NLGN4Y: variants seen among roughly 807,000 people sequenced by gnomAD.
NLGN4Y encodes the protein neuroligin-4, Y-linked.
In NLGN4Y, 4 loss-of-function variants were observed where a neutral mutation model predicts 8.4. The ratio of observed to expected loss-of-function variants is 0.48; its 90% CI spans 0.23 to 1.09. The LOEUF is 1.09. Among genes scored for constraint, NLGN4Y ranks in the 50% least tolerant of loss-of-function variants. The pLI is 0.19. For missense variants in NLGN4Y, 90 were observed against 192.3 expected, an observed-to-expected ratio of 0.47 and a Z score of 3.15; for synonymous variants, 35 against 75.6, an observed-to-expected ratio of 0.46 and a Z score of 2.78.
chrY:14,801,562 A>G (rs113609291), intron 4 of NLGN4Y, among the ~76,000 whole-genome samples: 19 of 29,752 alleles, frequency 6.4e-4, no homozygotes, highest in African/African-American at 2.4e-3. Context: ...AAAAAAAAAA[A>G]AGAGAGAGAG....
chrY:14,674,065 T>C (rs2080736812), intron 2 of NLGN4Y, among the ~76,000 whole-genome samples: 1 of 30,449 alleles, frequency 3.3e-5, no homozygotes, highest in Non-Finnish European at 7.8e-5. Context: ...GGGATAGCAT[T>C]GGGAGATATA....
intron 2 of NLGN4Y, among the ~76,000 whole-genome samples, chrY:14,691,026 A>G: frequency 3.0e-5 from 1 of 32,907 alleles, no homozygotes; most frequent in Non-Finnish European, 7.5e-5. Context: ...TGAGTTGGAT[A>G]GTATTCCCAG....
intron 1 of NLGN4Y, among the ~76,000 whole-genome samples, chrY:14,589,890 G>A: frequency 2.9e-5 from 1 of 34,563 alleles, no homozygotes; most frequent in African/African-American, 1.1e-4. Context: ...TGGGTGGGAG[G>A]CTCAGACATG....
chrY:14,820,252 GC>G (rs2043117731), intron 4 of NLGN4Y, among the ~76,000 whole-genome samples: 2 of 32,679 alleles, frequency 6.1e-5, no homozygotes, highest in Non-Finnish European at 1.5e-4. Context: ...AGATTTAGTG[GC>G]CCTTAGTGAT....
At chrY:14,815,492 A>G (rs2043097844) in intron 4 of NLGN4Y, among the ~76,000 whole-genome samples, 1 of 33,252 alleles carries the variant, frequency 3.0e-5, no homozygotes, top group Non-Finnish European at 7.4e-5. Flanking sequence ...ATGGAGCTGT[A>G]TGGGTGACTC....
At chrY:14,833,809 G>A (rs2043188173) in intron 6 of NLGN4Y, among the ~76,000 whole-genome samples, 1 of 33,194 alleles carries the variant, frequency 3.0e-5, no homozygotes, top group African/African-American at 1.2e-4. Flanking sequence ...GAAATCACCC[G>A]TCTTCTACAT....
At chrY:14,750,926 T>C in intron 4 of NLGN4Y, among the ~76,000 whole-genome samples, 1 of 33,590 alleles carries the variant, frequency 3.0e-5, no homozygotes, top group Non-Finnish European at 7.4e-5. Context: ...TTTTCTCTTA[T>C]GCTTTTCTTT....
At chrY:14,709,737 C>G (rs1603503054) in intron 2 of NLGN4Y, among the ~76,000 whole-genome samples, 1 of 31,055 alleles carries the variant, frequency 3.2e-5, no homozygotes, top group Non-Finnish European at 7.8e-5. Context: ...CAGAACAGAA[C>G]AGAGGAAGGT....
chrY:14,732,959 G>C (rs2080977423), intron 4 of NLGN4Y, among the ~76,000 whole-genome samples: 1 of 33,376 alleles, frequency 3.0e-5, no homozygotes, highest in East Asian at 7.9e-4. Flanking sequence ...TTGTGTAAAT[G>C]ATCTTGAAAC....
At chrY:14,838,051 G>A (rs765097874) in intron 6 of NLGN4Y, among the ~76,000 whole-genome samples, 37 of 32,771 alleles carry the variant, frequency 1.1e-3, no homozygotes, top group Admixed American at 6.8e-3. Flanking sequence ...ATATTAGTAC[G>A]AAGTTTTTCC....
rs775786246 is a variant in NLGN4Y, at chrY:14,598,270, G to A, written c.-111-23739G>A. Among the ~76,000 whole-genome samples, 9 of 34,468 alleles carry A rather than the reference G, an allele frequency of 2.6e-4. No homozygotes were observed. In the East Asian group the frequency reaches 7.1e-3, roughly 27 times the overall value. 92.5% of individuals were successfully genotyped at this position (34,468 alleles called of 37,273 possible). A position where few individuals can be genotyped will look rare whatever the true frequency, so the allele number is the denominator to read the frequency against. On this transcript the variant is annotated intron_variant, in intron 1 of 6. Transcript: ENST00000684976. ...GGGTTGGTGCTCGTCGGGGAGGCTC[G>A]GGCCACACAGGAGCCCATGGAGTGG...
intron 1 of NLGN4Y, among the ~76,000 whole-genome samples, chrY:14,621,289 A>C (rs987990411): frequency 1.3e-3 from 45 of 33,522 alleles, no homozygotes; most frequent in Admixed American, 8.1e-4. Context: ...CCTACTGGAA[A>C]ACTTTTAGAT....
chrY:14,723,417 G>GT, intron 4 of NLGN4Y, 148 bp downstream of exon 4: 4 of 165,545 alleles, frequency 2.4e-5, no homozygotes, highest in Middle Eastern at 1.5e-3. Context: ...TATCAGGTAT[G>GT]TTTTTTCCTT....
chrY:14,682,844 A>G, intron 2 of NLGN4Y, among the ~76,000 whole-genome samples: 3 of 32,338 alleles, frequency 9.3e-5, no homozygotes, highest in African/African-American at 3.6e-4. Context: ...CAAAAATTAT[A>G]GAAATTAGCC....
At chrY:14,532,792 C>T in intron 1 of NLGN4Y, among the ~76,000 whole-genome samples, 1 of 30,501 alleles carries the variant, frequency 3.3e-5, no homozygotes, top group African/African-American at 1.3e-4. Flanking sequence ...TTCCTTCCTT[C>T]TTCCCTTACT....
In NLGN4Y at chrY:14,721,172, A is replaced by T. The variant is rs369240606; in HGVS notation, c.532+1654A>T. 8.9e-5 allele frequency among the ~76,000 whole-genome samples: 3 copies of T among 33,831 alleles called. No homozygotes were observed. In the East Asian group the frequency reaches 2.4e-3, roughly 27 times the overall value. The allele number at this position is 33,831 out of a possible 37,273, so 90.8% of individuals were successfully genotyped here. ...TCAAGAGAATCTTGTTGTATGTTTTATGAAAGGTAAGAAATGTTAATTTCC... is the reference window on the plus strand; with the variant it reads ...TCAAGAGAATCTTGTTGTATGTTTTTTGAAAGGTAAGAAATGTTAATTTCC... On this transcript the variant is annotated intron_variant, in intron 3 of 6. Transcript: ENST00000684976.
At chrY:14,626,421 G>T (rs1013490281) in intron 2 of NLGN4Y, among the ~76,000 whole-genome samples, 21 of 33,574 alleles carry the variant, frequency 6.3e-4, no homozygotes, top group Admixed American at 5.4e-3. Context: ...CCCAGTGAGT[G>T]TCACAACTCT....
intron 2 of NLGN4Y, among the ~76,000 whole-genome samples, chrY:14,702,972 G>C (rs768253960): frequency 8.0e-4 from 27 of 33,613 alleles, no homozygotes; most frequent in African/African-American, 3.1e-3. Context: ...TTTGAGAAGT[G>C]TCTGTCCATA....
At chrY:14,766,580 T>C (rs2081093933) in intron 4 of NLGN4Y, among the ~76,000 whole-genome samples, 1 of 33,279 alleles carries the variant, frequency 3.0e-5, no homozygotes, top group South Asian at 6.6e-4. Flanking sequence ...CCTGCGCTTC[T>C]AAAACTTTTT....
Sources: gnomAD v4.1 joint callset for allele counts (sites outside exome capture counted in the v4.1 genomes callset) on GRCh38, gnomAD v4.1.1 for gene constraint, MANE v1.5 for transcripts, NCBI Gene and HGNC (gene_info 2026-07-23, HGNC 2026-07-21) for gene names.